Variants in ITGA9 observed in about 807,000 individuals in gnomAD.
The protein encoded by ITGA9 is integrin alpha-9.
A neutral mutation model predicts 127.8 loss-of-function variants in ITGA9; 56 were observed. The observed-to-expected ratio is 0.44, with a 90% confidence interval of 0.35 to 0.55. The LOEUF (loss-of-function observed/expected upper bound fraction) is 0.55, where lower values mean the gene tolerates loss of function less well. Among genes scored for constraint, ITGA9 ranks in the 20% least tolerant of loss-of-function variants. The pLI, the probability that ITGA9 is intolerant of heterozygous loss-of-function variation, is 0.00. For missense variants in ITGA9, 1,196 were observed against 1,347.1 expected (o/e 0.89, Z 1.76); for synonymous variants, 508 against 514.5 (o/e 0.99, Z 0.17).
At chr3:37,800,647 C>G (rs1697225985) in intron 26 of ITGA9, among the ~76,000 whole-genome samples, 1 of 152,216 alleles carries the variant, frequency 6.6e-6, no homozygotes, top group South Asian at 2.1e-4. Context: ...GACTTCAGAG[C>G]CCACTCTGTC....
rs150221526 is a variant in ITGA9 at position 37,531,561 on chromosome 3, C to T, written c.1374-1753C>T. On this transcript the variant is annotated intron_variant, in intron 13 of 27. Transcript: ENST00000264741. ...TTTTGTGAGAGGAGGATTCGGCCTC[C>T]TCCCTGACGAGGTGGCCCCTGGGGA... Among the ~76,000 whole-genome samples the T allele has an allele frequency of 2.0e-5, 3 of 152,266 alleles. No individual in the cohort carries two copies. The East Asian group carries it at 5.8e-4, about 29-fold the overall frequency.
intron 5 of ITGA9, among the ~76,000 whole-genome samples, chr3:37,498,717 C>T (rs971389882): frequency 7.9e-5 from 12 of 152,266 alleles, no homozygotes; most frequent in South Asian, 2.1e-4. Flanking sequence ...CCCCTCTGGG[C>T]GCCACTCTGT....
intron 9 of ITGA9, 106 bp downstream of exon 9, chr3:37,514,006 C>T: frequency 1.5e-6 from 2 of 1,330,536 alleles, no homozygotes; most frequent in Non-Finnish European, 2.2e-6. Flanking sequence ...GCAATGTTAC[C>T]CAGAGGAGAT....
At chr3:37,580,984 T>C (rs1699703922) in intron 15 of ITGA9, among the ~76,000 whole-genome samples, 1 of 152,138 alleles carries the variant, frequency 6.6e-6, no homozygotes, top group Non-Finnish European at 1.5e-5. Context: ...CAAAGCGTTG[T>C]TAGGAAGATT....
chr3:37,655,698 T>G (rs1046928855), intron 17 of ITGA9, among the ~76,000 whole-genome samples: 9 of 152,236 alleles, frequency 5.9e-5, no homozygotes, highest in Non-Finnish European at 1.5e-5. Flanking sequence ...TTTAGTTTAG[T>G]TAGATCCCAT....
intron 18 of ITGA9, among the ~76,000 whole-genome samples, chr3:37,722,694 C>T (rs1478886336): frequency 6.6e-6 from 1 of 152,168 alleles, no homozygotes; most frequent in African/African-American, 2.4e-5. Flanking sequence ...TATGGATATA[C>T]CACATTGTGT....
chr3:37,706,523 T>C (rs146124147), intron 18 of ITGA9, among the ~76,000 whole-genome samples: 39 of 152,260 alleles, frequency 2.6e-4, no homozygotes, highest in Admixed American at 1.4e-3. Context: ...TAAGACTTTT[T>C]TGAGAAGCAT....
At chr3:37,615,326 G>A (rs9756694) in intron 15 of ITGA9, among the ~76,000 whole-genome samples, 108,108 of 152,076 alleles carry the variant, frequency 0.71, 38,766 homozygotes, top group East Asian at 0.8. Context: ...CCACTTGATC[G>A]TGGTGGATAA....
In ITGA9 at chr3:37,517,401, T is replaced by C. The variant is rs568960506; in HGVS notation, c.1036-103T>C. The C allele has an allele frequency of 6.3e-5, 56 of 886,132 alleles. 1 individual carries two copies. The highest frequency in any genetic ancestry group is 2.4e-4 in the South Asian group (17 of 70,430). 54.9% of individuals were successfully genotyped at this position (886,132 alleles called of 1,614,324 possible). ...AGGTGTTTCCTGTCAATGAGTGTGC[T>C]CTAGCAGGGCAGCATTCAAACTCTG... is the stretch of plus-strand genomic sequence containing the variant. On this transcript the variant is annotated intron_variant, in intron 9 of 27. Transcript: ENST00000264741.
chr3:37,790,866 G>A (rs998349395), intron 26 of ITGA9: 1 of 152,306 alleles, frequency 6.6e-6, no homozygotes, highest in African/African-American at 2.4e-5. Context: ...ATGAGTAGGG[G>A]GCGAGAGGGG....
chr3:37,809,403 C>A (rs1337348738), intron 27 of ITGA9, among the ~76,000 whole-genome samples: 1 of 152,060 alleles, frequency 6.6e-6, no homozygotes, highest in African/African-American at 2.4e-5. Flanking sequence ...GTCACTATTA[C>A]AAACAAAAAT....
rs1030972111 is a variant in ITGA9, at chr3:37,598,643, A to G, written c.1690-30544A>G. Among the ~76,000 whole-genome samples the G allele has an allele frequency of 9.2e-5, 14 of 152,122 alleles. 1 individual carries two copies. Among genetic ancestry groups the G allele is most frequent in the South Asian group, 6.2e-4 (3 of 4,826 alleles). ...TAGCCCTGAGATACACTGCTGCTCT[A>G]TGGGATTTTGCCCCTCATTCACAAG... On this transcript the variant is annotated intron_variant, in intron 15 of 27. Coordinates refer to ENST00000264741, the MANE Select transcript of ITGA9 (RefSeq NM_002207.3).
intron 27 of ITGA9, among the ~76,000 whole-genome samples, chr3:37,809,616 T>G (rs1697342859): frequency 6.6e-6 from 1 of 152,032 alleles, no homozygotes. Context: ...GGGATTTCTT[T>G]AGGGAAAAAA....
intron 5 of ITGA9, among the ~76,000 whole-genome samples, chr3:37,501,566 A>G (rs1353429728): frequency 6.6e-6 from 1 of 152,158 alleles, no homozygotes; most frequent in Non-Finnish European, 1.5e-5. Flanking sequence ...GAAGTTCCTC[A>G]TGCCCCTTTG....
chr3:37,663,094 G>A (rs1331325553), intron 17 of ITGA9, among the ~76,000 whole-genome samples: 3 of 152,112 alleles, frequency 2.0e-5, no homozygotes, highest in African/African-American at 7.2e-5. Flanking sequence ...ATGGGCTTGA[G>A]TCCAGTTCCA....
intron 7 of ITGA9, among the ~76,000 whole-genome samples, chr3:37,507,372 G>A (rs1313629241): frequency 6.6e-6 from 1 of 152,128 alleles, no homozygotes; most frequent in Non-Finnish European, 1.5e-5. Flanking sequence ...ACAGTGATGC[G>A]GGTGCCTCTA....
rs762427231 is a variant in ITGA9 at position 37,471,071 on chromosome 3, G to A, written c.250G>A (p.Val84Met). 6.2e-7 allele frequency: 1 copy of A among 1,614,162 alleles called. No individual in the cohort carries two copies. The highest frequency in any genetic ancestry group is 1.1e-5 in the South Asian group (1 of 91,074). ...CCCTTCAGTGAAGTCTCCTGGGGCT[G>A]TGTTTAAGTGCCGTGTTCACACCAA... ...YSPSVKSPGA[V>M]FKCRVHTNPD... Residue 84 changes from valine (V) to methionine (M), a missense_variant, in exon 2 of 28, where the codon GTG becomes ATG. Coordinates refer to ENST00000264741, the MANE Select transcript of ITGA9 (RefSeq NM_002207.3).
chr3:37,609,404 C>T (rs1699997636), intron 15 of ITGA9, among the ~76,000 whole-genome samples: 1 of 152,218 alleles, frequency 6.6e-6, no homozygotes, highest in Non-Finnish European at 1.5e-5. Flanking sequence ...AACCTCATCA[C>T]ACTCTGCCCT....
chr3:37,683,128 G>A (rs1260615663), intron 17 of ITGA9, among the ~76,000 whole-genome samples: 2 of 152,252 alleles, frequency 1.3e-5, no homozygotes, highest in Non-Finnish European at 2.9e-5. Context: ...CAGTCCCTCT[G>A]AGCTCAATCC....
Sources: allele counts gnomAD v4.1 joint callset (sites outside exome capture counted in the v4.1 genomes callset), GRCh38; gene constraint gnomAD v4.1.1; transcripts MANE v1.5; gene names NCBI Gene and HGNC (gene_info 2026-07-23, HGNC 2026-07-21).